CPNE5: variants seen among roughly 807,000 people sequenced by gnomAD.
CPNE5 encodes the protein copine 5.
CPNE5 carries 42 observed loss-of-function variants against 81.1 expected under a neutral mutation model. The ratio of observed to expected loss-of-function variants is 0.52; its 90% CI spans 0.40 to 0.67. The LOEUF (loss-of-function observed/expected upper bound fraction) is 0.67, where lower values mean the gene tolerates loss of function less well. Ranked by LOEUF, CPNE5 falls within the 30% of genes least tolerant of loss-of-function variation. CPNE5 has a pLI of 0.00. For missense variants in CPNE5, 612 were observed against 815.5 expected, an observed-to-expected ratio of 0.75 and a Z score of 3.04; for synonymous variants, 313 against 321.5, an observed-to-expected ratio of 0.97 and a Z score of 0.28.
chr6:36,795,066 T>C (rs1442080180), intron 6 of CPNE5, among the ~76,000 whole-genome samples: 1 of 152,212 alleles, frequency 6.6e-6, no homozygotes, highest in East Asian at 1.9e-4. Context: ...AAGAATCACA[T>C]GAGATCATGA....
chr6:36,784,687 G>A (rs1380275169), intron 8 of CPNE5, among the ~76,000 whole-genome samples: 1 of 152,144 alleles, frequency 6.6e-6, no homozygotes, highest in African/African-American at 2.4e-5. Context: ...CACAACTGTA[G>A]TCTCAGCACT....
At chr6:36,760,305 C>T (rs1472483629) in intron 12 of CPNE5, among the ~76,000 whole-genome samples, 2 of 152,076 alleles carry the variant, frequency 1.3e-5, no homozygotes, top group Admixed American at 6.5e-5. Context: ...GAACTTCACC[C>T]TGTAGGTCAG....
intron 11 of CPNE5, among the ~76,000 whole-genome samples, chr6:36,763,855 A>G (rs1188215343): frequency 3.3e-5 from 5 of 150,064 alleles, no homozygotes; most frequent in Admixed American, 6.6e-5. Flanking sequence ...TTAAAACACA[A>G]TGAGAGCGAT....
chr6:36,744,130 A>G (rs1294397575), intron 19 of CPNE5, 138 bp downstream of exon 19: 3 of 761,546 alleles, frequency 3.9e-6, no homozygotes, highest in African/African-American at 3.4e-5. Flanking sequence ...ACCCAGACAC[A>G]CACGCCCAGG....
chr6:36,830,514 G>A (rs1037503013), intron 1 of CPNE5, among the ~76,000 whole-genome samples: 3 of 152,162 alleles, frequency 2.0e-5, no homozygotes, highest in South Asian at 4.1e-4. Context: ...CTGCTTCCCT[G>A]CCAAGCAACC....
In CPNE5 at chr6:36,745,031, G is replaced by T. The variant is rs762904080; in HGVS notation, c.1431+17C>A. 1.3e-6 allele frequency: 2 copies of T among 1,586,750 alleles called. No individual in the cohort carries two copies. Among genetic ancestry groups the T allele is most frequent in the South Asian group, 2.2e-5 (2 of 90,482 alleles). ...CACTCCTCAAACCGCCTCCCCCACCGCACACTCCTTGCTTACGTTGACAAT... is the reference window on the plus strand; with the variant it reads ...CACTCCTCAAACCGCCTCCCCCACCTCACACTCCTTGCTTACGTTGACAAT... On this transcript the variant is annotated intron_variant, in intron 18 of 20. Coordinates refer to ENST00000244751, the MANE Select transcript of CPNE5 (RefSeq NM_020939.2).
At chr6:36,822,200 C>A in intron 2 of CPNE5, 40 bp from the exon 3 acceptor site, 1 of 1,445,894 alleles carries the variant, frequency 6.9e-7, no homozygotes, top group South Asian at 1.4e-5. Flanking sequence ...TACCTCAGGC[C>A]AAGAGGAAGG....
chr6:36,818,107 G>A (rs1771718094), intron 3 of CPNE5, among the ~76,000 whole-genome samples: 2 of 152,120 alleles, frequency 1.3e-5, no homozygotes, highest in African/African-American at 4.8e-5. Context: ...GGATGAGGAG[G>A]TTGAGCCAGA....
intron 1 of CPNE5, among the ~76,000 whole-genome samples, chr6:36,831,775 T>C (rs1316644228): frequency 1.3e-5 from 2 of 152,186 alleles, no homozygotes; most frequent in Non-Finnish European, 2.9e-5. Context: ...TTACAGTTTA[T>C]ATAGAATGTC....
Position 36,839,325 on chromosome 6 carries a change from C to T in CPNE5, c.53G>A (p.Gly18Asp). 5 of 1,551,954 alleles carry T rather than the reference C, an allele frequency of 3.2e-6. No individual in the cohort carries two copies. In the African/African-American group the frequency reaches 4.1e-5, roughly 13 times the overall value. ...CTCCACCTTGGTGGCCGGGATGCTG[C>T]CCGCCAAGGAGTCGAACTCGCTCAG... ...ASLSEFDSLA[G>D]SIPATKVEIT... The change falls in exon 1 of 21, where the codon GGC becomes GAC. Residue 18 changes from glycine to aspartate, a missense_variant. Coordinates refer to ENST00000244751, the MANE Select transcript of CPNE5 (RefSeq NM_020939.2). The surrounding 1 kb of genome is among the most constrained non-coding windows in gnomAD (Gnocchi z 7.3).
intron 3 of CPNE5, among the ~76,000 whole-genome samples, chr6:36,815,030 C>T (rs9470409): frequency 0.05 from 7,667 of 151,860 alleles, 556 homozygotes; most frequent in African/African-American, 0.16. Context: ...TGGTGGTGCA[C>T]GCCTGTAATC....
chr6:36,798,187 TCCCAGGGGAC>T lies in CPNE5; in HGVS notation c.372_381del (p.Ser125AlafsTer9). The T allele has an allele frequency of 6.2e-7, 1 of 1,613,822 alleles. No homozygotes were observed. The highest frequency in any genetic ancestry group is 8.5e-7 in the Non-Finnish European group (1 of 1,179,918). ...CACGTGAGGGGCTTTTCCAGGCGGCTCCCAGGGGACCCCACAATCTCTCCAAGGGTGCAGA... is the reference window on the plus strand; with the variant it reads ...CACGTGAGGGGCTTTTCCAGGCGGCTCCCACAATCTCTCCAAGGGTGCAGA... On this transcript the variant is annotated frameshift_variant, in exon 6 of 21. Coordinates refer to ENST00000244751, the MANE Select transcript of CPNE5 (RefSeq NM_020939.2). LOFTEE classifies it high-confidence loss of function.
In CPNE5 at chr6:36,745,410, G is replaced by C. The variant is rs1322525132; in HGVS notation, c.1306C>G (p.Pro436Ala). 2 of 1,607,386 alleles carry C rather than the reference G, an allele frequency of 1.2e-6. No homozygotes were observed. The highest frequency in any genetic ancestry group is 1.7e-6 in the Non-Finnish European group (2 of 1,177,750). ...CACCTGGCCACGTGGGTGACCACGG[G>C]GGCAAAGTTGGTGGGGCCGTACAGC... ...VQLYGPTNFA[P>A]VVTHVARNAA... Residue 436 changes from proline (P) to alanine (A), a missense_variant, in exon 17 of 21, where the codon CCC becomes GCC. Coordinates refer to ENST00000244751, the MANE Select transcript of CPNE5 (RefSeq NM_020939.2).
intron 1 of CPNE5, among the ~76,000 whole-genome samples, chr6:36,824,213 G>A (rs1225175369): frequency 6.6e-6 from 1 of 152,196 alleles, no homozygotes; most frequent in African/African-American, 2.4e-5. Flanking sequence ...GAAAGTTTAT[G>A]CTCCCAAAAG....
At chr6:36,745,662 C>G in intron 16 of CPNE5, 147 bp from the exon 17 acceptor site, 1 of 853,118 alleles carries the variant, frequency 1.2e-6, no homozygotes, top group Non-Finnish European at 1.8e-6. Flanking sequence ...GGGGAGGGAG[C>G]TCCCAGGGCC....
intron 3 of CPNE5, among the ~76,000 whole-genome samples, chr6:36,817,707 G>T (rs1435418094): frequency 6.6e-6 from 1 of 152,144 alleles, no homozygotes; most frequent in African/African-American, 2.4e-5. Context: ...CTGCCCCAAT[G>T]GTCTGTTGGC....
Position 36,759,830 on chromosome 6 carries a change from C to T in CPNE5, c.855+3087G>A, listed in dbSNP as rs945320610. 5.3e-5 allele frequency among the ~76,000 whole-genome samples: 8 copies of T among 151,808 alleles called. No homozygotes were observed. The South Asian group carries it at 1.0e-3, about 20-fold the overall frequency. ...GTTCAGAGAGCCTCAGGTGGCAGGACGGGGATGAATGTGGGAATGGGCAGA... is the reference window on the plus strand; with the variant it reads ...GTTCAGAGAGCCTCAGGTGGCAGGATGGGGATGAATGTGGGAATGGGCAGA... On this transcript the variant is annotated intron_variant, in intron 12 of 20. Transcript: ENST00000244751.
chr6:36,777,448 TC>T (rs1440315156), intron 9 of CPNE5, among the ~76,000 whole-genome samples: 44 of 151,862 alleles, frequency 2.9e-4, no homozygotes, highest in Non-Finnish European at 1.5e-4. Context: ...CAAATCCCTC[TC>T]CTCCTCCCAG....
intron 20 of CPNE5, 88 bp from the exon 21 acceptor site, chr6:36,742,574 C>T: frequency 1.3e-6 from 1 of 750,514 alleles, no homozygotes; most frequent in Non-Finnish European, 2.3e-6. Flanking sequence ...ATCCCCACCC[C>T]CCTCCCAGCC....
Sources: gnomAD v4.1 joint callset for allele counts (sites outside exome capture counted in the v4.1 genomes callset) on GRCh38, gnomAD v4.1.1 for gene constraint, Gnocchi (gnomAD v3.1) non-coding constraint, MANE v1.5 for transcripts, NCBI Gene and HGNC (gene_info 2026-07-23, HGNC 2026-07-21) for gene names.